The following RAB3GAP1 variants were observed in gnomAD, a reference collection of about 807,000 sequenced individuals.
The protein encoded by RAB3GAP1 is rab3 GTPase-activating protein catalytic subunit.
In RAB3GAP1, 86 loss-of-function variants were observed where a neutral mutation model predicts 130.7. The observed-to-expected ratio is 0.66, with a 90% CI of 0.55 to 0.79. RAB3GAP1 has a LOEUF of 0.79. RAB3GAP1 is among the 30% of genes least tolerant of loss of function. RAB3GAP1 has a pLI of 0.00. For synonymous variants in RAB3GAP1, 367 were observed against 401.7 expected (o/e 0.91, Z 1.03); for missense variants, 1,029 against 1,169.4 (o/e 0.88, Z 1.75).
At chr2:135,173,779 G>A (rs1488311181), downstream of RAB3GAP1, among the ~76,000 whole-genome samples, 3 of 152,134 alleles carry the variant, frequency 2.0e-5, no homozygotes, top group Non-Finnish European at 4.4e-5. Flanking sequence ...CAGGTGGCCC[G>A]TCTACTGTCC....
At chr2:135,167,342 C>T (rs1266834713) in intron 23 of RAB3GAP1, among the ~76,000 whole-genome samples, 2 of 151,844 alleles carry the variant, frequency 1.3e-5, no homozygotes, top group East Asian at 3.9e-4. Context: ...AACTGTTAGG[C>T]ACCTATTCCT....
At chr2:135,148,266 A>G (rs1692059084) in intron 17 of RAB3GAP1, among the ~76,000 whole-genome samples, 1 of 152,220 alleles carries the variant, frequency 6.6e-6, no homozygotes, top group Non-Finnish European at 1.5e-5. Context: ...TTTAGAAGTT[A>G]GCTCAAAATG....
intron 3 of RAB3GAP1, among the ~76,000 whole-genome samples, chr2:135,085,088 T>C (rs919921367): frequency 7.9e-5 from 12 of 152,098 alleles, no homozygotes; most frequent in African/African-American, 2.9e-4. Flanking sequence ...ACAAGGAAGA[T>C]GGAAGGTAGC....
intron 3 of RAB3GAP1, among the ~76,000 whole-genome samples, chr2:135,064,254 A>G (rs1264611738): frequency 6.6e-6 from 1 of 151,962 alleles, no homozygotes; most frequent in Non-Finnish European, 1.5e-5. Context: ...GGGGTGTGTT[A>G]GGTCATTATA....
intron 3 of RAB3GAP1, among the ~76,000 whole-genome samples, chr2:135,082,284 T>C (rs1689847394): frequency 6.6e-6 from 1 of 152,148 alleles, no homozygotes; most frequent in Admixed American, 6.5e-5. Flanking sequence ...CCATAATCAA[T>C]TTTAGAATAT....
intron 3 of RAB3GAP1, among the ~76,000 whole-genome samples, chr2:135,076,895 C>T (rs1488669197): frequency 2.0e-5 from 3 of 152,206 alleles, no homozygotes; most frequent in African/African-American, 4.8e-5. Context: ...CTTCAAGGTT[C>T]ATTCATGTTG....
At chr2:135,137,880 C>T (rs906747537) in intron 17 of RAB3GAP1, among the ~76,000 whole-genome samples, 10 of 151,084 alleles carry the variant, frequency 6.6e-5, no homozygotes, top group African/African-American at 2.4e-4. Context: ...GGTGGGAGTG[C>T]AGTGGCATGA....
rs1355919746 is a variant in RAB3GAP1 at position 135,154,752 on chromosome 2, G to A, written c.2289+876G>A. Among the ~76,000 whole-genome samples, 4 of 152,140 alleles carry A rather than the reference G, an allele frequency of 2.6e-5. No homozygotes were observed. The South Asian group carries it at 6.2e-4, about 24-fold the overall frequency. On this transcript the variant is annotated intron_variant, in intron 19 of 23. Coordinates refer to ENST00000264158, the MANE Select transcript of RAB3GAP1 (RefSeq NM_012233.3). ...AGGGACTTGAATGTAAACAGGGCTA[G>A]AAATGGAGCCTTGGAGAAAATCAGA... is the stretch of plus-strand genomic sequence containing the variant.
chr2:135,052,951 C>T (rs1393015193), intron 2 of RAB3GAP1, among the ~76,000 whole-genome samples: 1 of 152,164 alleles, frequency 6.6e-6, no homozygotes, highest in Non-Finnish European at 1.5e-5. Context: ...AGTTGTCCAT[C>T]TGTCACACTC....
In RAB3GAP1 at chr2:135,058,025, T is replaced by C; in HGVS notation, c.89T>C (p.Val30Ala). The C allele has an allele frequency of 6.2e-7, 1 of 1,612,066 alleles. No homozygotes were observed. The highest frequency in any genetic ancestry group is 1.1e-5 in the South Asian group (1 of 91,014). ...ASEWERFISK[V>A]EEVLNDWKLI... ...CTACTTCCTAGGTTTATTTCCAAAG[T>C]TGAAGAAGTCTTGAATGACTGGAAA... Residue 30 changes from valine to alanine, a missense_variant, in exon 3 of 24, where the codon GTT becomes GCT. Val to Ala is a moderately conservative substitution (Grantham distance 64, BLOSUM62 0). Transcript: ENST00000264158.
chr2:135,147,610 T>TC (rs1418341592), intron 17 of RAB3GAP1, among the ~76,000 whole-genome samples: 6 of 136,612 alleles, frequency 4.4e-5, no homozygotes, highest in South Asian at 2.9e-4. Flanking sequence ...TTAATAGTAG[T>TC]CCCCTCCCCC....
At chr2:135,108,673 A>G (rs1449469333) in intron 5 of RAB3GAP1, among the ~76,000 whole-genome samples, 1 of 152,102 alleles carries the variant, frequency 6.6e-6, no homozygotes, top group African/African-American at 2.4e-5. Flanking sequence ...TCTTTTGCAG[A>G]GCAAAAATTT....
chr2:135,109,001 A>G lies in RAB3GAP1; in HGVS notation c.363-4150A>G, dbSNP rs189575971. On this transcript the variant is annotated intron_variant, in intron 5 of 23. Coordinates refer to ENST00000264158, the MANE Select transcript of RAB3GAP1 (RefSeq NM_012233.3). ...TAGTTGACTATATTTATCTGGGTCT[A>G]TTTTTAGGCTGTCTATTCTGTTCCA... Among the ~76,000 whole-genome samples the G allele has an allele frequency of 6.4e-4, 98 of 152,252 alleles. 1 individual carries two copies. The highest frequency in any genetic ancestry group is 2.3e-3 in the African/African-American group (94 of 41,548).
intron 17 of RAB3GAP1, among the ~76,000 whole-genome samples, chr2:135,149,163 C>T (rs1000804613): frequency 6.6e-6 from 1 of 152,094 alleles, no homozygotes; most frequent in African/African-American, 2.4e-5. Flanking sequence ...CCTTCCCATC[C>T]TGTGATTTCA....
At chr2:135,077,400 C>G (rs1301632203) in intron 3 of RAB3GAP1, among the ~76,000 whole-genome samples, 1 of 149,934 alleles carries the variant, frequency 6.7e-6, no homozygotes, top group African/African-American at 2.5e-5. Flanking sequence ...GCTTTCAGTT[C>G]CTTTGTGTAG....
rs1692750166 is a variant in RAB3GAP1, at chr2:135,168,855, G to A, written c.*74G>A. Reference sequence around the variant, plus strand: ...CCTGAGGGAGGGAAGGTACCAGGGAGAACCTGGGAGGTCCTGGAGAGGGCC... The same window carrying A: ...CCTGAGGGAGGGAAGGTACCAGGGAAAACCTGGGAGGTCCTGGAGAGGGCC... On this transcript the variant is annotated 3_prime_UTR_variant, in exon 24 of 24. Coordinates refer to ENST00000264158, the MANE Select transcript of RAB3GAP1 (RefSeq NM_012233.3). The A allele has an allele frequency of 7.5e-7, 1 of 1,335,244 alleles. No homozygotes were observed. Among genetic ancestry groups the A allele is most frequent in the Non-Finnish European group, 1.1e-6 (1 of 929,184 alleles). 82.7% of individuals were successfully genotyped at this position (1,335,244 alleles called of 1,614,324 possible).
chr2:135,120,783 C>T lies in RAB3GAP1; in HGVS notation c.649-36C>T. 7 of 1,391,182 alleles carry T rather than the reference C, an allele frequency of 5.0e-6. No individual in the cohort carries two copies. The East Asian group carries it at 9.1e-5, about 18-fold the overall frequency. The allele number at this position is 1,391,182 out of a possible 1,614,324, so 86.2% of individuals were successfully genotyped here. Reference sequence around the variant, plus strand: ...TGAATTAATATGAAAAGGGTACCAGCATTTACACGGTATTGTCTTTGCATG... The same window carrying T: ...TGAATTAATATGAAAAGGGTACCAGTATTTACACGGTATTGTCTTTGCATG... On this transcript the variant is annotated intron_variant, in intron 7 of 23. Coordinates refer to ENST00000264158, the MANE Select transcript of RAB3GAP1 (RefSeq NM_012233.3).
intron 6 of RAB3GAP1, among the ~76,000 whole-genome samples, chr2:135,114,736 C>T (rs1398538114): frequency 6.6e-6 from 1 of 152,204 alleles, no homozygotes; most frequent in Admixed American, 6.5e-5. Context: ...ATGAATGATG[C>T]TTCTGGGAAA....
rs1691845797 is a variant in RAB3GAP1, at chr2:135,141,694, T to C, written c.1923+5762T>C. Among the ~76,000 whole-genome samples, 2 of 152,234 alleles carry C rather than the reference T, an allele frequency of 1.3e-5. 1 individual carries two copies. Among genetic ancestry groups the C allele is most frequent in the South Asian group, 4.1e-4 (2 of 4,826 alleles). On this transcript the variant is annotated intron_variant, in intron 17 of 23. Coordinates refer to ENST00000264158, the MANE Select transcript of RAB3GAP1 (RefSeq NM_012233.3). The stretch of plus-strand genomic sequence containing the variant: ...CTTTTGGAAGCTTTATTGTTTTACC[T>C]ATATCATTTGTTTGTGACCCACCTC...
Sources: allele counts gnomAD v4.1 joint callset (sites outside exome capture counted in the v4.1 genomes callset), GRCh38; gene constraint gnomAD v4.1.1; transcripts MANE v1.5; gene names NCBI Gene and HGNC (gene_info 2026-07-23, HGNC 2026-07-21).